The following ZRANB3 variants were observed in gnomAD, a reference collection of about 807,000 sequenced individuals.
ZRANB3 encodes the protein DNA annealing helicase and endonuclease ZRANB3.
ZRANB3 carries 125 observed loss-of-function variants against 133.8 expected under a neutral mutation model. That is an observed-to-expected ratio of 0.93 (90% CI 0.81 to 1.08). The LOEUF is 1.08. Among genes scored for constraint, ZRANB3 ranks in the 50% least tolerant of loss-of-function variants. The pLI is 0.00. For missense variants in ZRANB3, 1,229 were observed against 1,275.5 expected, an observed-to-expected ratio of 0.96 and a Z score of 0.56; for synonymous variants, 387 against 432.7, an observed-to-expected ratio of 0.89 and a Z score of 1.31.
intron 1 of ZRANB3, among the ~76,000 whole-genome samples, chr2:135,509,692 G>C (rs1347918700): frequency 6.6e-6 from 1 of 152,032 alleles, no homozygotes; most frequent in Non-Finnish European, 1.5e-5. Context: ...AAAACTAACA[G>C]TTCAAGAAAA....
intron 8 of ZRANB3, among the ~76,000 whole-genome samples, chr2:135,308,416 A>T (rs1682803906): frequency 6.6e-6 from 1 of 152,162 alleles, no homozygotes; most frequent in East Asian, 1.9e-4. Context: ...GGTATTGAAA[A>T]TAGGCAGAGT....
intron 12 of ZRANB3, among the ~76,000 whole-genome samples, chr2:135,264,756 T>C (rs79680416): frequency 5.3e-5 from 8 of 151,544 alleles, no homozygotes; most frequent in Non-Finnish European, 1.2e-4. Flanking sequence ...TTTTTTTTTT[T>C]CTGAGACAGA....
At chr2:135,520,562 GCCA>G (rs1319334876) in intron 1 of ZRANB3, among the ~76,000 whole-genome samples, 7 of 151,424 alleles carry the variant, frequency 4.6e-5, no homozygotes, top group Non-Finnish European at 1.0e-4. Flanking sequence ...ACAGGCATCT[GCCA>G]CCACACCTGG....
intron 1 of ZRANB3, among the ~76,000 whole-genome samples, chr2:135,513,654 G>A (rs1215394847): frequency 6.6e-6 from 1 of 152,122 alleles, no homozygotes; most frequent in Non-Finnish European, 1.5e-5. Context: ...GTTATGGTAT[G>A]GTTTTAGACA....
intron 1 of ZRANB3, among the ~76,000 whole-genome samples, chr2:135,514,676 G>A (rs545462567): frequency 6.6e-6 from 1 of 152,120 alleles, no homozygotes; most frequent in Non-Finnish European, 1.5e-5. Context: ...CCAATACTAT[G>A]CTGAATAGGA....
chr2:135,273,722 A>G (rs1026664025), intron 9 of ZRANB3, among the ~76,000 whole-genome samples: 1 of 152,058 alleles, frequency 6.6e-6, no homozygotes, highest in Non-Finnish European at 1.5e-5. Flanking sequence ...TTTTTAGTAG[A>G]GACAGAGTTT....
chr2:135,430,690 A>C (rs1689283876), intron 2 of ZRANB3, among the ~76,000 whole-genome samples: 1 of 152,140 alleles, frequency 6.6e-6, no homozygotes, highest in Admixed American at 6.5e-5. Context: ...AATAATCTAA[A>C]CAACATGGTA....
chr2:135,463,422 G>GTT (rs1196168517), intron 2 of ZRANB3, among the ~76,000 whole-genome samples: 2 of 144,486 alleles, frequency 1.4e-5, no homozygotes, highest in Admixed American at 6.9e-5. Flanking sequence ...GGAATATGTT[G>GTT]TTTTTTTTTT....
intron 2 of ZRANB3, among the ~76,000 whole-genome samples, chr2:135,478,643 GGTT>G (rs1272822743): frequency 1.3e-5 from 2 of 151,814 alleles, no homozygotes; most frequent in East Asian, 3.9e-4. Context: ...AAATTCATCC[GGTT>G]GTTATGGTAG....
intron 6 of ZRANB3, among the ~76,000 whole-genome samples, chr2:135,330,515 T>C (rs1684084138): frequency 6.6e-6 from 1 of 152,096 alleles, no homozygotes; most frequent in Admixed American, 6.6e-5. Flanking sequence ...TAAAATTCTG[T>C]TTTTTTGTCA....
At chr2:135,438,970 T>C (rs1430910275) in intron 2 of ZRANB3, among the ~76,000 whole-genome samples, 1 of 152,208 alleles carries the variant, frequency 6.6e-6, no homozygotes, top group East Asian at 1.9e-4. Flanking sequence ...AGGAGAAGGC[T>C]GAAATATATT....
chr2:135,362,578 A>G (rs1267992123), intron 3 of ZRANB3, among the ~76,000 whole-genome samples: 1 of 152,232 alleles, frequency 6.6e-6, no homozygotes, highest in Non-Finnish European at 1.5e-5. Context: ...AGATGCCCAT[A>G]TTGGGACTAG....
intron 1 of ZRANB3, among the ~76,000 whole-genome samples, chr2:135,505,458 C>T (rs1574220551): frequency 6.6e-6 from 1 of 152,048 alleles, no homozygotes; most frequent in South Asian, 2.1e-4. Flanking sequence ...CCTGTAGTCC[C>T]AGCTATTTAG....
chr2:135,290,664 TC>T (rs57788336), intron 8 of ZRANB3, among the ~76,000 whole-genome samples: 6,529 of 150,904 alleles, frequency 0.043, 484 homozygotes, highest in African/African-American at 0.15. Context: ...TACCTTGGGC[TC>T]CCCCCCTCCA....
chr2:135,470,753 G>C (rs996554042), intron 2 of ZRANB3, among the ~76,000 whole-genome samples: 2 of 151,476 alleles, frequency 1.3e-5, no homozygotes, highest in African/African-American at 2.4e-5. Flanking sequence ...ACGGAGTCAA[G>C]CTTTTTCATC....
chr2:135,400,085 C>T (rs1294854853), intron 2 of ZRANB3, among the ~76,000 whole-genome samples: 1 of 151,788 alleles, frequency 6.6e-6, no homozygotes, highest in African/African-American at 2.4e-5. Flanking sequence ...ACTGAGAGTA[C>T]AAAAATTAGC....
chr2:135,266,520 AC>A (rs551996274), intron 11 of ZRANB3, among the ~76,000 whole-genome samples: 370 of 152,102 alleles, frequency 2.4e-3, no homozygotes, highest in Non-Finnish European at 3.4e-3. Context: ...TAATCCCAGC[AC>A]TTTGGGAGGC....
intron 3 of ZRANB3, among the ~76,000 whole-genome samples, chr2:135,388,109 A>G (rs922193853): frequency 2.0e-5 from 3 of 152,192 alleles, no homozygotes; most frequent in African/African-American, 7.2e-5. Context: ...GGAAGGCGAA[A>G]GAGGAGTAAG....
At chr2:135,344,366 A>G (rs1684826411) in intron 6 of ZRANB3, among the ~76,000 whole-genome samples, 1 of 152,232 alleles carries the variant, frequency 6.6e-6, no homozygotes, top group East Asian at 1.9e-4. Context: ...TTGTATGCAC[A>G]GCTATATACT....
Sources: allele counts gnomAD v4.1 joint callset (sites outside exome capture counted in the v4.1 genomes callset), GRCh38; gene constraint gnomAD v4.1.1; transcripts MANE v1.5; gene names NCBI Gene and HGNC (gene_info 2026-07-23, HGNC 2026-07-21).